TESPA1: variants seen among roughly 807,000 people sequenced by gnomAD.
TESPA1 encodes thymocyte expressed, positive selection associated 1.
Under a neutral mutation model 57.9 loss-of-function variants are expected in TESPA1, and 33 were observed. The ratio of observed to expected loss-of-function variants is 0.57; its 90% CI spans 0.43 to 0.76. The LOEUF (loss-of-function observed/expected upper bound fraction) is 0.76, where lower values mean the gene tolerates loss of function less well. Ranked by LOEUF, TESPA1 falls within the 30% of genes least tolerant of loss-of-function variation. The pLI is 0.00. For missense variants in TESPA1, 618 were observed against 632.9 expected, an observed-to-expected ratio of 0.98 and a Z score of 0.25; for synonymous variants, 227 against 228.9, an observed-to-expected ratio of 0.99 and a Z score of 0.07.
chr12:54,963,108 C>T lies in TESPA1; in HGVS notation c.790G>A (p.Val264Met). The change falls in exon 9 of 11, where the codon GTG becomes ATG. Residue 264 changes from valine (V) to methionine (M), a missense_variant. Val to Met is a conservative substitution (Grantham distance 21). Coordinates refer to ENST00000449076, the MANE Select transcript of TESPA1 (RefSeq NM_001136030.3). ...MFWNCNHPTD[V>M]PSIRILSREP... ...CGGGACAGAATCCTGATGGATGGCACATCAGTTGGATGGTTGCAATTCCAG... is the reference window on the plus strand; with the variant it reads ...CGGGACAGAATCCTGATGGATGGCATATCAGTTGGATGGTTGCAATTCCAG... 6.2e-7 allele frequency: 1 copy of T among 1,613,880 alleles called. No individual in the cohort carries two copies. Among genetic ancestry groups the T allele is most frequent in the Non-Finnish European group, 8.5e-7 (1 of 1,179,872 alleles).
intron 10 of TESPA1, among the ~76,000 whole-genome samples, chr12:54,951,863 A>T (rs72648122): frequency 2.8e-4 from 41 of 144,818 alleles, no homozygotes; most frequent in East Asian, 2.4e-3. Context: ...TTTTTTTTTT[A>T]CTTCAGATTC....
In TESPA1 at chr12:54,962,939, A is replaced by C; in HGVS notation, c.959T>G (p.Met320Arg). 4 of 1,613,580 alleles carry C rather than the reference A, an allele frequency of 2.5e-6. No homozygotes were observed. Among genetic ancestry groups the C allele is most frequent in the Non-Finnish European group, 3.4e-6 (4 of 1,179,854 alleles). Residue 320 changes from methionine to arginine, a missense_variant, in exon 9 of 11, where the codon ATG (methionine) becomes AGG (arginine). Met to Arg is a moderately conservative substitution (Grantham distance 91). Coordinates refer to ENST00000449076, the MANE Select transcript of TESPA1 (RefSeq NM_001136030.3). ...NSLDQVVLEV[M>R]DKVKEEKQFL... The stretch of plus-strand genomic sequence containing the variant: ...CTGCTTCTCTTCTTTCACTTTGTCC[A>C]TCACTTCCAACACAACTTGGTCCAA...
chr12:54,957,775 A>G (rs530199654), intron 10 of TESPA1, among the ~76,000 whole-genome samples: 2 of 152,368 alleles, frequency 1.3e-5, no homozygotes, highest in South Asian at 4.1e-4. Context: ...TTTAATTTAT[A>G]AAGTTATGCT....
intron 1 of TESPA1, among the ~76,000 whole-genome samples, chr12:54,979,024 A>G (rs1219485882): frequency 1.3e-5 from 2 of 152,240 alleles, no homozygotes; most frequent in East Asian, 3.9e-4. Context: ...CCCAATTAGT[A>G]TTCGTCATAG....
chr12:54,964,049 C>A (rs1020563675), intron 7 of TESPA1, 99 bp from the exon 8 acceptor site: 5 of 1,239,236 alleles, frequency 4.0e-6, no homozygotes, highest in Non-Finnish European at 5.7e-6. Context: ...GACTGAAATT[C>A]TTTTCTGTCC....
intron 2 of TESPA1, among the ~76,000 whole-genome samples, 175 bp downstream of exon 2, chr12:54,974,225 T>C (rs1952021269): frequency 6.6e-6 from 1 of 152,238 alleles, no homozygotes. Context: ...CTTTCTCACA[T>C]AATTCATATT....
At chr12:54,964,461 T>C (rs1951291960) in intron 7 of TESPA1, among the ~76,000 whole-genome samples, 1 of 152,192 alleles carries the variant, frequency 6.6e-6, no homozygotes, top group African/African-American at 2.4e-5. Flanking sequence ...TTTTGAGAGG[T>C]ATGCTCCTTT....
At chr12:54,968,278 A>T (rs1453131170) in intron 3 of TESPA1, among the ~76,000 whole-genome samples, 1 of 152,226 alleles carries the variant, frequency 6.6e-6, no homozygotes, top group African/African-American at 2.4e-5. Context: ...TCACAAATAT[A>T]AATTTCTAGG....
chr12:54,960,128 T>C (rs963598059), intron 10 of TESPA1, among the ~76,000 whole-genome samples: 4 of 152,224 alleles, frequency 2.6e-5, no homozygotes, highest in African/African-American at 9.6e-5. Flanking sequence ...AAGGAATCTC[T>C]AAGCAAGATT....
chr12:54,981,575 T>TA (rs11365319), intron 1 of TESPA1, among the ~76,000 whole-genome samples: 48 of 146,614 alleles, frequency 3.3e-4, no homozygotes, highest in African/African-American at 4.3e-4. Flanking sequence ...TATAATATAT[T>TA]AAAAAAAAAA....
Position 54,962,991 on chromosome 12 carries a change from G to C in TESPA1, c.907C>G (p.Pro303Ala), listed in dbSNP as rs1400168626. Residue 303 changes from proline to alanine, a missense_variant, in exon 9 of 11, where the codon CCC becomes GCC. By Grantham distance (27) the Pro-to-Ala change is conservative. Transcript: ENST00000449076. ...YTCPRDRPPPPHNTPKRNSLD... is the reference protein window; with the variant it reads ...YTCPRDRPPPAHNTPKRNSLD... ...CTGTTCCTTTTGGGGGTGTTGTGGG[G>C]TGGTGGTGGCCGGTCTCGGGGGCAT... is the stretch of plus-strand genomic sequence containing the variant. The C allele has an allele frequency of 6.2e-7, 1 of 1,613,700 alleles. No individual in the cohort carries two copies. The highest frequency in any genetic ancestry group is 8.5e-7 in the Non-Finnish European group (1 of 1,179,834).
chr12:54,957,711 T>C (rs1221403909), intron 10 of TESPA1, among the ~76,000 whole-genome samples: 1 of 152,218 alleles, frequency 6.6e-6, no homozygotes, highest in Non-Finnish European at 1.5e-5. Context: ...TTCTAGGTAA[T>C]CATAGAAAAA....
At chr12:54,983,191 T>C (rs1952384566) in intron 1 of TESPA1, among the ~76,000 whole-genome samples, 3 of 152,340 alleles carry the variant, frequency 2.0e-5, no homozygotes, top group African/African-American at 4.8e-5. Context: ...TACATAATGC[T>C]GAATCGCAGG....
chr12:54,965,627 T>C (rs1276553106), intron 7 of TESPA1, among the ~76,000 whole-genome samples: 2 of 152,212 alleles, frequency 1.3e-5, no homozygotes, highest in Non-Finnish European at 2.9e-5. Context: ...GTCTTTGCTA[T>C]TGTGAATAGT....
intron 10 of TESPA1, among the ~76,000 whole-genome samples, chr12:54,954,805 T>C (rs942609644): frequency 2.0e-5 from 3 of 152,238 alleles, no homozygotes; most frequent in African/African-American, 7.2e-5. Context: ...ACTGTATATA[T>C]ATGTCTCATT....
At chr12:54,977,453 A>G (rs1014978901) in intron 1 of TESPA1, among the ~76,000 whole-genome samples, 2 of 152,206 alleles carry the variant, frequency 1.3e-5, no homozygotes, top group African/African-American at 2.4e-5. Flanking sequence ...ACTTGTTTTT[A>G]TCCTAGAAGT....
chr12:54,959,118 G>A (rs571729628), intron 10 of TESPA1, among the ~76,000 whole-genome samples: 6 of 152,078 alleles, frequency 3.9e-5, no homozygotes, highest in African/African-American at 1.5e-4. Flanking sequence ...TAATGTGGTG[G>A]TAAGGTTTAG....
At chr12:54,964,522 C>T (rs980974817) in intron 7 of TESPA1, among the ~76,000 whole-genome samples, 3 of 152,232 alleles carry the variant, frequency 2.0e-5, no homozygotes, top group Non-Finnish European at 2.9e-5. Flanking sequence ...ATCCCGTGCA[C>T]GCACTCTCTC....
chr12:54,958,769 G>T (rs1274610017), intron 10 of TESPA1, among the ~76,000 whole-genome samples: 1 of 152,066 alleles, frequency 6.6e-6, no homozygotes, highest in Non-Finnish European at 1.5e-5. Context: ...CAAGCTCAGA[G>T]ATTCTTTCCT....
Sources: gnomAD v4.1 joint callset for allele counts (sites outside exome capture counted in the v4.1 genomes callset) on GRCh38, gnomAD v4.1.1 for gene constraint, MANE v1.5 for transcripts, NCBI Gene and HGNC (gene_info 2026-07-23, HGNC 2026-07-21) for gene names.